The following DENND1A variants were observed in gnomAD, a reference collection of about 807,000 sequenced individuals.
DENND1A encodes DENN domain-containing protein 1A.
Under a neutral mutation model 113.7 loss-of-function variants are expected in DENND1A, and 51 were observed. The ratio of observed to expected loss-of-function variants is 0.45; its 90% CI spans 0.36 to 0.57. The LOEUF (loss-of-function observed/expected upper bound fraction) is 0.57. Among genes scored for constraint, DENND1A ranks in the 20% least tolerant of loss-of-function variants. The pLI is 0.00. For missense variants in DENND1A, 1,258 were observed against 1,395.9 expected, an observed-to-expected ratio of 0.90 and a Z score of 1.57; for synonymous variants, 565 against 570.8, an observed-to-expected ratio of 0.99 and a Z score of 0.14.
intron 11 of DENND1A, among the ~76,000 whole-genome samples, chr9:123,588,141 G>C (rs573727328): frequency 6.6e-5 from 10 of 151,774 alleles, no homozygotes; most frequent in Non-Finnish European, 1.5e-4. Flanking sequence ...CAGGCATGGT[G>C]GTACATGCCT....
intron 19 of DENND1A, among the ~76,000 whole-genome samples, chr9:123,426,062 G>C (rs1308646825): frequency 6.6e-6 from 1 of 152,234 alleles, no homozygotes; most frequent in Admixed American, 6.5e-5. Context: ...GAACTGCCAG[G>C]AGTGGAGGAT....
At chr9:123,802,847 C>A (rs1420273657) in intron 2 of DENND1A, among the ~76,000 whole-genome samples, 1 of 152,128 alleles carries the variant, frequency 6.6e-6, no homozygotes, top group East Asian at 1.9e-4. Context: ...GGATTACAGG[C>A]AGGCACCACC....
chr9:123,861,477 G>A lies in DENND1A; in HGVS notation c.88+17474C>T, dbSNP rs535237821. On this transcript the variant is annotated intron_variant, in intron 2 of 23. Coordinates refer to ENST00000394215, the MANE Select transcript of DENND1A (RefSeq NM_001352964.2). ...CTTTTTCTGTAAAGCTTTATTTTGG[G>A]GCTGTATTTACATGGATTAGTCCCT... Among the ~76,000 whole-genome samples the A allele has an allele frequency of 2.6e-4, 40 of 152,110 alleles. No individual in the cohort carries two copies. In the South Asian group the frequency reaches 2.9e-3, roughly 11 times the overall value.
chr9:123,921,685 C>G (rs1321468806), intron 1 of DENND1A, among the ~76,000 whole-genome samples: 1 of 152,222 alleles, frequency 6.6e-6, no homozygotes, highest in East Asian at 1.9e-4. Flanking sequence ...ATGGATCCCT[C>G]AAAGATTCCT....
chr9:123,782,081 T>A (rs1831407717), intron 3 of DENND1A, among the ~76,000 whole-genome samples: 1 of 151,876 alleles, frequency 6.6e-6, no homozygotes, highest in South Asian at 2.1e-4. Context: ...AAAAAAATAA[T>A]AATAAAAATA....
intron 5 of DENND1A, among the ~76,000 whole-genome samples, chr9:123,738,064 A>T (rs1363098368): frequency 6.6e-6 from 1 of 152,212 alleles, no homozygotes; most frequent in Non-Finnish European, 1.5e-5. Flanking sequence ...CCTGAATGTA[A>T]AGCACTGAAC....
chr9:123,731,265 A>T (rs1242249111), intron 5 of DENND1A, among the ~76,000 whole-genome samples: 1 of 152,202 alleles, frequency 6.6e-6, no homozygotes, highest in Non-Finnish European at 1.5e-5. Context: ...TTTAAAAAAA[A>T]ATTTTTAATG....
chr9:123,709,299 TTC>T (rs1208685191), intron 5 of DENND1A, among the ~76,000 whole-genome samples: 4 of 152,148 alleles, frequency 2.6e-5, no homozygotes, highest in Non-Finnish European at 5.9e-5. Flanking sequence ...GTGCCCCAGT[TTC>T]TAGGTGAGAA....
At chr9:123,543,875 GTCT>G (rs2056463548) in intron 13 of DENND1A, among the ~76,000 whole-genome samples, 1 of 146,236 alleles carries the variant, frequency 6.8e-6, no homozygotes, top group South Asian at 2.2e-4. Flanking sequence ...GCCTCTCACT[GTCT>G]TTAACAGTGA....
At chr9:123,552,018 C>CGAGAGAGAGAGAGAGAGAGACA (rs2057091862) in intron 13 of DENND1A, among the ~76,000 whole-genome samples, 1 of 118,570 alleles carries the variant, frequency 8.4e-6, no homozygotes, top group Admixed American at 8.2e-5. Flanking sequence ...AGAGCGAGAG[C>CGAGAGAGAGAGAGAGAGAGACA]GAGAGAGAGA....
intron 15 of DENND1A, 68 bp from the exon 16 acceptor site, chr9:123,454,847 TG>T: frequency 7.1e-7 from 1 of 1,415,738 alleles, no homozygotes; most frequent in Non-Finnish European, 9.6e-7. Flanking sequence ...TCCTTAAAAT[TG>T]CTTTTTTTTT....
At chr9:123,867,979 G>T (rs144770327) in intron 2 of DENND1A, among the ~76,000 whole-genome samples, 1 of 152,184 alleles carries the variant, frequency 6.6e-6, no homozygotes, top group African/African-American at 2.4e-5. Context: ...ACAGAAGACA[G>T]AGAATCAAGA....
intron 2 of DENND1A, among the ~76,000 whole-genome samples, chr9:123,857,800 C>T (rs1844435203): frequency 6.6e-6 from 1 of 152,152 alleles, no homozygotes; most frequent in African/African-American, 2.4e-5. Context: ...TGGCTCACAC[C>T]TGTAATCCCA....
intron 13 of DENND1A, among the ~76,000 whole-genome samples, chr9:123,475,239 G>C (rs4240482): frequency 0.56 from 85,889 of 152,058 alleles, 26,439 homozygotes; most frequent in Non-Finnish European, 0.69. Flanking sequence ...AGCTGGCCTC[G>C]AACTCCTGGC....
chr9:123,849,320 C>T (rs988206781), intron 2 of DENND1A, among the ~76,000 whole-genome samples: 1 of 152,174 alleles, frequency 6.6e-6, no homozygotes, highest in African/African-American at 2.4e-5. Context: ...TAATATTACG[C>T]TAAATCTACT....
At chr9:123,785,104 C>G (rs1408040246) in intron 3 of DENND1A, among the ~76,000 whole-genome samples, 1 of 152,020 alleles carries the variant, frequency 6.6e-6, no homozygotes, top group Non-Finnish European at 1.5e-5. Flanking sequence ...CTTTGGGAGG[C>G]TGAGGGAAGA....
chr9:123,560,146 C>T (rs891015086), intron 12 of DENND1A, among the ~76,000 whole-genome samples: 3 of 152,070 alleles, frequency 2.0e-5, no homozygotes, highest in Non-Finnish European at 4.4e-5. Context: ...AATGCTGCTA[C>T]GAAGATTCAT....
At chr9:123,739,922 GAA>G (rs74357014) in intron 5 of DENND1A, among the ~76,000 whole-genome samples, 108 of 118,952 alleles carry the variant, frequency 9.1e-4, no homozygotes, top group African/African-American at 2.5e-3. Flanking sequence ...GTACATAGGA[GAA>G]AAAAAAAAAA....
At chr9:123,468,814 T>C (rs1564545137) in intron 13 of DENND1A, among the ~76,000 whole-genome samples, 1 of 152,210 alleles carries the variant, frequency 6.6e-6, no homozygotes, top group East Asian at 1.9e-4. Context: ...GGCGTGAGTG[T>C]GAGGAGAAGG....
Sources: gnomAD v4.1 joint callset for allele counts (sites outside exome capture counted in the v4.1 genomes callset) on GRCh38, gnomAD v4.1.1 for gene constraint, MANE v1.5 for transcripts, NCBI Gene and HGNC (gene_info 2026-07-23, HGNC 2026-07-21) for gene names.